CSMD3: variants seen among roughly 807,000 people sequenced by gnomAD.
CSMD3 encodes CUB and sushi domain-containing protein 3.
In CSMD3, 177 loss-of-function variants were observed where a neutral mutation model predicts 435.2. The ratio of observed to expected loss-of-function variants is 0.41; its 90% CI spans 0.36 to 0.46. The LOEUF (loss-of-function observed/expected upper bound fraction) is 0.46. CSMD3 is among the 20% of genes least tolerant of loss of function. The probability of loss-of-function intolerance (pLI) is 0.34; values close to 1 mark genes in which losing one functional copy is unlikely to be tolerated. For synonymous variants in CSMD3, 1,656 were observed against 1,520.5 expected (o/e 1.09, Z -2.07); for missense variants, 4,265 against 4,504.6 (o/e 0.95, Z 1.52).
chr8:112,965,811 T>C (rs2084395195), intron 7 of CSMD3, among the ~76,000 whole-genome samples: 1 of 151,902 alleles, frequency 6.6e-6, no homozygotes, highest in Non-Finnish European at 1.5e-5. Flanking sequence ...ATAAAAGAAT[T>C]AGAAATATAA....
At chr8:113,384,105 C>G (rs1447528657) in intron 1 of CSMD3, among the ~76,000 whole-genome samples, 1 of 152,102 alleles carries the variant, frequency 6.6e-6, no homozygotes, top group Non-Finnish European at 1.5e-5. Context: ...ACTTAAAAAC[C>G]TGTCTTGATA....
At chr8:112,327,828 T>C (rs1438704275) in intron 45 of CSMD3, among the ~76,000 whole-genome samples, 1 of 152,234 alleles carries the variant, frequency 6.6e-6, no homozygotes, top group Non-Finnish European at 1.5e-5. Context: ...ACAAATATGC[T>C]TTTTGAAATT....
At chr8:113,188,255 C>G (rs1390897853) in intron 3 of CSMD3, among the ~76,000 whole-genome samples, 1 of 151,830 alleles carries the variant, frequency 6.6e-6, no homozygotes, top group African/African-American at 2.4e-5. Context: ...TGACTTGTGA[C>G]CATAATCAAG....
intron 69 of CSMD3, among the ~76,000 whole-genome samples, chr8:112,229,793 T>C (rs960598659): frequency 6.6e-6 from 1 of 151,578 alleles, no homozygotes; most frequent in African/African-American, 2.4e-5. Context: ...CCCAGTGATA[T>C]GACATGAGAT....
intron 3 of CSMD3, among the ~76,000 whole-genome samples, chr8:113,241,984 T>TTATATC (rs1458988216): frequency 1.3e-5 from 2 of 151,174 alleles, no homozygotes; most frequent in African/African-American, 2.4e-5. Context: ...TAGACAGGTT[T>TTATATC]TATATCTATA....
intron 10 of CSMD3, among the ~76,000 whole-genome samples, chr8:112,882,671 T>G (rs1452833995): frequency 6.6e-6 from 1 of 152,004 alleles, no homozygotes; most frequent in Non-Finnish European, 1.5e-5. Context: ...AACCTCTAAA[T>G]TAATTGAGAC....
In CSMD3 at chr8:112,223,279, A is replaced by G. The variant is rs906014381; in HGVS notation, c.*1492T>C. The G allele has an allele frequency of 5.3e-6, 2 of 375,716 alleles. No individual in the cohort carries two copies. The highest frequency in any genetic ancestry group is 4.1e-5 in the African/African-American group (2 of 48,234). 23.3% of individuals were successfully genotyped at this position (375,716 alleles called of 1,614,324 possible). A position where few individuals can be genotyped will look rare whatever the true frequency, so the allele number is the denominator to read the frequency against. ...AAGTGGTTTACAAGAAATTCATTAA[A>G]TGTTGTAGAGATAGAGCCAAGCAGC... is the stretch of plus-strand genomic sequence containing the variant. On this transcript the variant is annotated 3_prime_UTR_variant, in exon 71 of 71. Coordinates refer to ENST00000297405, the MANE Select transcript of CSMD3 (RefSeq NM_198123.2).
In CSMD3 at chr8:112,388,388, G is replaced by A. The variant is rs182286084; in HGVS notation, c.5934+2276C>T. On this transcript the variant is annotated intron_variant, in intron 36 of 70. Coordinates refer to ENST00000297405, the MANE Select transcript of CSMD3 (RefSeq NM_198123.2). The stretch of plus-strand genomic sequence containing the variant: ...AATAAGAACCTGGGACAAGGGTGAT[G>A]CTATCTGATCTCGGGTAGTAAAAGT... Among the ~76,000 whole-genome samples, 322 of 152,300 alleles carry A rather than the reference G, an allele frequency of 2.1e-3. 3 individuals carry two copies. The highest frequency in any genetic ancestry group is 3.4e-3 in the Middle Eastern group (1 of 294).
chr8:112,739,623 C>T (rs1311344432), intron 13 of CSMD3, among the ~76,000 whole-genome samples: 1 of 151,570 alleles, frequency 6.6e-6, no homozygotes, highest in Non-Finnish European at 1.5e-5. Context: ...ACATATAAGA[C>T]AGGAAGGATG....
chr8:112,229,859 T>C (rs1812926084), intron 69 of CSMD3, among the ~76,000 whole-genome samples: 1 of 149,946 alleles, frequency 6.7e-6, no homozygotes, highest in African/African-American at 2.5e-5. Flanking sequence ...GAATCAGGTG[T>C]AGTTAGAAGA....
chr8:112,399,574 C>A (rs1350347759), intron 35 of CSMD3, among the ~76,000 whole-genome samples: 1 of 152,094 alleles, frequency 6.6e-6, no homozygotes, highest in Non-Finnish European at 1.5e-5. Context: ...AATCAATTAA[C>A]AATTCCATGT....
chr8:113,099,236 A>G lies in CSMD3; in HGVS notation c.710-273T>C, dbSNP rs186799687. ...AAAAATCTACACTCTAAAATTAGACATTAGGAAAATAGAATCAAGATTTTA... is the reference window on the plus strand; with the variant it reads ...AAAAATCTACACTCTAAAATTAGACGTTAGGAAAATAGAATCAAGATTTTA... On this transcript the variant is annotated intron_variant, in intron 4 of 70. Transcript: ENST00000297405. 5.3e-4 allele frequency among the ~76,000 whole-genome samples: 80 copies of G among 152,216 alleles called. 2 individuals carry two copies. Among genetic ancestry groups the G allele is most frequent in the Admixed American group, 5.2e-3 (80 of 15,250 alleles).
At chr8:113,394,256 C>T (rs2094473716) in intron 1 of CSMD3, among the ~76,000 whole-genome samples, 1 of 151,572 alleles carries the variant, frequency 6.6e-6, no homozygotes, top group African/African-American at 2.4e-5. Flanking sequence ...TTACTGTTTC[C>T]AGTAATGTTT....
intron 21 of CSMD3, among the ~76,000 whole-genome samples, chr8:112,638,059 A>T (rs897169082): frequency 6.6e-6 from 1 of 151,446 alleles, no homozygotes; most frequent in Non-Finnish European, 1.5e-5. Context: ...GTCTCATACA[A>T]TTTTTTCCCC....
At position 112,976,074 on chromosome 8, in the gene CSMD3, C is replaced by T. The variant is rs2130934896; in HGVS notation, c.1105G>A (p.Ala369Thr). 6.2e-7 allele frequency: 1 copy of T among 1,614,022 alleles called. No individual in the cohort carries two copies. Among genetic ancestry groups the T allele is most frequent in the Non-Finnish European group, 8.5e-7 (1 of 1,179,938 alleles). ...ACATCTGCAGGTGTGCTAGCAACAG[C>T]AATAGCACCAGTGGTAGTCCTGTTA... ...EHNRTTTGAI[A>T]VASTPADVTV... Residue 369 changes from alanine to threonine, a missense_variant, in exon 7 of 71, where the codon GCT becomes ACT. Physicochemically the swap from Ala to Thr is moderately conservative, Grantham distance 58 (BLOSUM62 0). Around this residue, in one of 3 missense-constraint regions of CSMD3, gnomAD observed 731 missense variants for 755.4 expected, o/e 0.97. Coordinates refer to ENST00000297405, the MANE Select transcript of CSMD3 (RefSeq NM_198123.2).
chr8:112,254,585 C>T (rs1363616048), intron 62 of CSMD3, among the ~76,000 whole-genome samples: 2 of 152,050 alleles, frequency 1.3e-5, no homozygotes, highest in African/African-American at 2.4e-5. Flanking sequence ...TGACATTCAA[C>T]TAGCTCTGTG....
chr8:112,534,921 G>T (rs1825909713), intron 27 of CSMD3, among the ~76,000 whole-genome samples: 1 of 152,014 alleles, frequency 6.6e-6, no homozygotes, highest in Non-Finnish European at 1.5e-5. Flanking sequence ...CGGAACCAAA[G>T]AAAAAAACCA....
At chr8:112,532,987 A>G (rs1471218404) in intron 27 of CSMD3, among the ~76,000 whole-genome samples, 2 of 152,132 alleles carry the variant, frequency 1.3e-5, no homozygotes, top group African/African-American at 2.4e-5. Flanking sequence ...GGCTTTATAG[A>G]TATTTCTTTG....
At chr8:112,796,471 G>A (rs904597725) in intron 13 of CSMD3, among the ~76,000 whole-genome samples, 4 of 151,990 alleles carry the variant, frequency 2.6e-5, no homozygotes, top group African/African-American at 9.7e-5. Context: ...CAGATTTAAT[G>A]AGTTAATGTA....
Sources: allele counts gnomAD v4.1 joint callset (sites outside exome capture counted in the v4.1 genomes callset), GRCh38; gene constraint gnomAD v4.1.1; regional missense constraint gnomAD v4.1.1; transcripts MANE v1.5; gene names NCBI Gene and HGNC (gene_info 2026-07-23, HGNC 2026-07-21).